LHX2: variants seen among roughly 807,000 people sequenced by gnomAD.
LHX2 encodes the protein LIM/homeobox protein Lhx2.
Under a neutral mutation model 33.0 loss-of-function variants are expected in LHX2, and 6 were observed. That is an observed-to-expected ratio of 0.18 (90% CI 0.10 to 0.36). The LOEUF is 0.36. Among genes scored for constraint, LHX2 ranks in the 10% least tolerant of loss-of-function variants. LHX2 has a pLI of 1.00. For missense variants in LHX2, 442 were observed against 586.2 expected, an observed-to-expected ratio of 0.75 and a Z score of 2.54; for synonymous variants, 292 against 253.1, an observed-to-expected ratio of 1.15 and a Z score of -1.46.
intron 1 of LHX2, among the ~76,000 whole-genome samples, chr9:124,013,094 G>A (rs1159704787): frequency 6.6e-6 from 1 of 152,320 alleles, no homozygotes; most frequent in East Asian, 1.9e-4. Context: ...ACCTGGCTCC[G>A]CGGGCCCAGC....
chr9:124,019,268 AG>A (rs1016689836), intron 3 of LHX2, among the ~76,000 whole-genome samples: 3 of 152,204 alleles, frequency 2.0e-5, no homozygotes, highest in Admixed American at 1.3e-4. Flanking sequence ...CTCCAAAGGC[AG>A]GGGCAAGACT....
rs1252247754 is a variant in LHX2, at chr9:124,033,092, T to C, written c.*385T>C. The C allele has an allele frequency of 6.1e-6, 1 of 163,058 alleles. No individual in the cohort carries two copies. The highest frequency in any genetic ancestry group is 2.4e-5 in the African/African-American group (1 of 41,424). The allele number at this position is 163,058 out of a possible 1,614,324, so 10.1% of individuals were successfully genotyped here. A position where few individuals can be genotyped will look rare whatever the true frequency, so the allele number is the denominator to read the frequency against. ...CTCCCTCTTTTTCTCTGTATATTTA[T>C]GACCAGAGCAAAAATGTAAAAAACA... On this transcript the variant is annotated 3_prime_UTR_variant, in exon 5 of 5. Coordinates refer to ENST00000373615, the MANE Select transcript of LHX2 (RefSeq NM_004789.4).
intron 1 of LHX2, 92 bp from the exon 2 acceptor site, chr9:124,013,869 C>T (rs1261116898): frequency 8.3e-7 from 1 of 1,202,790 alleles, no homozygotes; most frequent in African/African-American, 1.5e-5. Context: ...TAGCCAAGGC[C>T]ACAGAGGGAG....
At chr9:124,024,204 T>C (rs768500430) in intron 4 of LHX2, among the ~76,000 whole-genome samples, 43 of 152,238 alleles carry the variant, frequency 2.8e-4, no homozygotes, top group Non-Finnish European at 5.4e-4. Flanking sequence ...AAATCCCAAA[T>C]ATTCCTATTG....
intron 3 of LHX2, among the ~76,000 whole-genome samples, chr9:124,019,719 A>C (rs1859258012): frequency 6.6e-6 from 1 of 152,248 alleles, no homozygotes; most frequent in Non-Finnish European, 1.5e-5. Flanking sequence ...CATTTGCTAA[A>C]TCTAGAGCTC....
At position 124,015,213 on chromosome 9, in the gene LHX2, A is replaced by T; in HGVS notation, c.415A>T (p.Asn139Tyr). 1 of 1,614,134 alleles carries T rather than the reference A, an allele frequency of 6.2e-7. No individual in the cohort carries two copies. Among genetic ancestry groups the T allele is most frequent in the Non-Finnish European group, 8.5e-7 (1 of 1,180,012 alleles). ...CGCTCGGGACTTGGTTTATCACCTC[A>T]ACTGCTTCACGTGCACCACGTGTAA... is the stretch of plus-strand genomic sequence containing the variant. ...MRARDLVYHL[N>Y]CFTCTTCNKM... is the part of the protein sequence containing the mutation. Residue 139 changes from asparagine (N) to tyrosine (Y), a missense_variant, in exon 3 of 5, where the codon AAC becomes TAC. By Grantham distance (143) the Asn-to-Tyr change is moderately radical (BLOSUM62 -2). Around this residue, in one of 5 missense-constraint regions of LHX2, gnomAD observed 72 missense variants for 171.6 expected, o/e 0.42. Coordinates refer to ENST00000373615, the MANE Select transcript of LHX2 (RefSeq NM_004789.4). The surrounding 1 kb of genome is among the most constrained non-coding windows in gnomAD (Gnocchi z 7.9).
Position 124,021,083 on chromosome 9 carries a change from T to A in LHX2, c.728-16T>A. Reference sequence around the variant, plus strand: ...GGTCAGGAAGTTCACCCACCGGCTCTGTGTCTCCTCCCTAGCGCTAAGCTG... The same window carrying A: ...GGTCAGGAAGTTCACCCACCGGCTCAGTGTCTCCTCCCTAGCGCTAAGCTG... On this transcript the variant is annotated splice_polypyrimidine_tract_variant and intron_variant, in intron 3 of 4. Transcript: ENST00000373615. 5.0e-6 allele frequency: 8 copies of A among 1,613,170 alleles called. No homozygotes were observed. The highest frequency in any genetic ancestry group is 6.8e-6 in the Non-Finnish European group (8 of 1,179,392).
At chr9:124,031,120 G>A (rs557406006) in intron 4 of LHX2, among the ~76,000 whole-genome samples, 8 of 152,242 alleles carry the variant, frequency 5.3e-5, no homozygotes, top group Admixed American at 2.6e-4. Flanking sequence ...AAGTCGATAC[G>A]GGATGCAGCA....
In LHX2 at chr9:124,021,322, G is replaced by T; in HGVS notation, c.933+18G>T. ...TCCTCCAGGTCAGCCAGGGCCAGGG[G>T]TGAGGGCATCTGCGACCACCAGGGA... is the stretch of plus-strand genomic sequence containing the variant. On this transcript the variant is annotated intron_variant, in intron 4 of 4. Coordinates refer to ENST00000373615, the MANE Select transcript of LHX2 (RefSeq NM_004789.4). 6.2e-7 allele frequency: 1 copy of T among 1,610,144 alleles called. No homozygotes were observed. The highest frequency in any genetic ancestry group is 1.1e-5 in the South Asian group (1 of 91,042).
At chr9:124,029,886 G>C (rs1165708097) in intron 4 of LHX2, among the ~76,000 whole-genome samples, 2 of 152,166 alleles carry the variant, frequency 1.3e-5, no homozygotes, top group Non-Finnish European at 2.9e-5. Context: ...GAGGGCCTCT[G>C]GGGGCTTCCC....
chr9:124,012,364 C>G lies in LHX2; in HGVS notation c.16C>G (p.Leu6Val). The change falls in exon 1 of 5, where the codon CTG (leucine) becomes GTG (valine). Residue 6 changes from leucine (L) to valine (V), a missense_variant. By Grantham distance (32) the Leu-to-Val change is conservative. Transcript: ENST00000373615. The surrounding 1 kb of genome is among the most constrained non-coding windows in gnomAD (Gnocchi z 4.3). ...TCCCGCCGCGATGCTGTTCCACAGT[C>G]TGTCGGGCCCCGAGGTGCACGGGGT... MLFHS[L>V]SGPEVHGVID... 6.6e-7 allele frequency: 1 copy of G among 1,521,430 alleles called. No individual in the cohort carries two copies. Among genetic ancestry groups the G allele is most frequent in the Non-Finnish European group, 8.8e-7 (1 of 1,139,194 alleles). 94.2% of individuals were successfully genotyped at this position (1,521,430 alleles called of 1,614,324 possible). A position where few individuals can be genotyped will look rare whatever the true frequency, so the allele number is the denominator to read the frequency against.
chr9:124,019,483 G>T (rs917964240), intron 3 of LHX2, among the ~76,000 whole-genome samples: 3 of 152,216 alleles, frequency 2.0e-5, no homozygotes, highest in Admixed American at 1.3e-4. Context: ...GAAAAATAAC[G>T]AATAAATTTG....
rs1405055112 is a variant in LHX2, at chr9:124,021,282, G to A, written c.911G>A (p.Gly304Asp). 1 of 1,613,782 alleles carries A rather than the reference G, an allele frequency of 6.2e-7. No homozygotes were observed. ...KDLKQLAQKT[G>D]LTKRVLQVWF... ...TTGAAGCAGCTCGCGCAAAAGACGG[G>A]CCTCACCAAGCGGGTCCTCCAGGTC... Residue 304 changes from glycine to aspartate, a missense_variant, in exon 4 of 5, where the codon GGC (glycine) becomes GAC (aspartate). By Grantham distance (94) the Gly-to-Asp change is moderately conservative (BLOSUM62 -1). Coordinates refer to ENST00000373615, the MANE Select transcript of LHX2 (RefSeq NM_004789.4).
chr9:124,017,565 TCGTGTG>T (rs1306476151), intron 3 of LHX2, among the ~76,000 whole-genome samples: 1 of 149,310 alleles, frequency 6.7e-6, no homozygotes, highest in African/African-American at 2.5e-5. Flanking sequence ...CGGGCGCGGG[TCGTGTG>T]CGTGTGCGTG....
Position 124,012,315 on chromosome 9 carries a change from G to A in LHX2, c.-34G>A, listed in dbSNP as rs1859105543. On this transcript the variant is annotated 5_prime_UTR_variant, in exon 1 of 5. Transcript: ENST00000373615. The surrounding 1 kb of genome is among the most constrained non-coding windows in gnomAD (Gnocchi z 4.3). ...GCGGGGGGCAAGCCCTCCCTCGGAG[G>A]AGCCGCGCCCCCGGCCCCGCCGGTC... 6.8e-6 allele frequency: 10 copies of A among 1,479,420 alleles called. No individual in the cohort carries two copies. The South Asian group carries it at 1.3e-4, about 19-fold the overall frequency. The allele number at this position is 1,479,420 out of a possible 1,614,324, so 91.6% of individuals were successfully genotyped here.
At chr9:124,031,542 T>C (rs1260994481) in intron 4 of LHX2, 1 of 152,100 alleles carries the variant, frequency 6.6e-6, no homozygotes, top group African/African-American at 2.4e-5. Context: ...CTGATAGAAA[T>C]GCAACATGAG....
In LHX2 at chr9:124,012,182, G is replaced by T. The variant is rs1859100797; in HGVS notation, c.-167G>T. The T allele has an allele frequency of 2.0e-6, 1 of 507,878 alleles. No individual in the cohort carries two copies. Among genetic ancestry groups the T allele is most frequent in the African/African-American group, 2.0e-5 (1 of 48,988 alleles). The allele number at this position is 507,878 out of a possible 1,614,324, so 31.5% of individuals were successfully genotyped here. A position where few individuals can be genotyped will look rare whatever the true frequency, so the allele number is the denominator to read the frequency against. On this transcript the variant is annotated 5_prime_UTR_variant, in exon 1 of 5. Transcript: ENST00000373615. This position sits in a 1 kb window ranked among gnomAD's most constrained non-coding sequence, Gnocchi z 4.3. ...GCGGGAGGCGTCCTGCCCCGCGAGC[G>T]CCCGGGGCCCGGAGCCCGGCCTGGG...
At chr9:124,030,476 A>G (rs1248190676) in intron 4 of LHX2, among the ~76,000 whole-genome samples, 1 of 152,160 alleles carries the variant, frequency 6.6e-6, no homozygotes, top group South Asian at 2.1e-4. Flanking sequence ...TTTCCTTGGA[A>G]GGTTCAACCC....
At chr9:124,019,037 G>C (rs1438757238) in intron 3 of LHX2, among the ~76,000 whole-genome samples, 1 of 152,212 alleles carries the variant, frequency 6.6e-6, no homozygotes, top group Non-Finnish European at 1.5e-5. Context: ...CCCACCCCCA[G>C]TGGAGCTGGG....
Sources: allele counts gnomAD v4.1 joint callset (sites outside exome capture counted in the v4.1 genomes callset), GRCh38; gene constraint gnomAD v4.1.1; regional missense constraint gnomAD v4.1.1; non-coding constraint Gnocchi (gnomAD v3.1); transcripts MANE v1.5; gene names NCBI Gene and HGNC (gene_info 2026-07-23, HGNC 2026-07-21).